Variants in YEATS2 observed in about 807,000 individuals in gnomAD.
YEATS2 encodes the protein YEATS domain-containing protein 2.
Under a neutral mutation model 163.2 loss-of-function variants are expected in YEATS2, and 77 were observed. The ratio of observed to expected loss-of-function variants is 0.47; its 90% CI spans 0.39 to 0.57. The LOEUF (loss-of-function observed/expected upper bound fraction) is 0.57, where lower values mean the gene tolerates loss of function less well. Ranked by LOEUF, YEATS2 falls within the 20% of genes least tolerant of loss-of-function variation. The pLI is 0.00. For synonymous variants in YEATS2, 631 were observed against 645.1 expected, an observed-to-expected ratio of 0.98 and a Z score of 0.33; for missense variants, 1,549 against 1,729.8, an observed-to-expected ratio of 0.90 and a Z score of 1.85.
In YEATS2 at chr3:183,754,272, A is replaced by G; in HGVS notation, c.1297A>G (p.Ser433Gly). ...GNSAFQPIAS[S>G]CKIVPQSQVP... ...TTCAGCTTTCCAGCCAATAGCATCA[A>G]GCTGCAAAATTGTTCCACAAAGTCA... Residue 433 changes from serine to glycine, a missense_variant, in exon 11 of 31, where the codon AGC (serine) becomes GGC (glycine). Coordinates refer to ENST00000305135, the MANE Select transcript of YEATS2 (RefSeq NM_018023.5). The G allele has an allele frequency of 1.9e-6, 3 of 1,614,206 alleles. No individual in the cohort carries two copies. Among genetic ancestry groups the G allele is most frequent in the Non-Finnish European group, 2.5e-6 (3 of 1,180,024 alleles).
intron 1 of YEATS2, among the ~76,000 whole-genome samples, chr3:183,708,608 C>T (rs934226962): frequency 1.8e-4 from 28 of 152,028 alleles, no homozygotes; most frequent in African/African-American, 6.5e-4. Context: ...TGGTGGCTTA[C>T]AAATCTCAGC....
intron 17 of YEATS2, among the ~76,000 whole-genome samples, chr3:183,774,748 C>A (rs1029975048): frequency 1.6e-4 from 24 of 152,126 alleles, no homozygotes; most frequent in South Asian, 8.3e-4. Context: ...GGAAGTTAAC[C>A]GCCCTTGCCA....
chr3:183,807,159 C>T (rs1726299644), intron 28 of YEATS2, 67 bp downstream of exon 28: 1 of 1,431,748 alleles, frequency 7.0e-7, no homozygotes, highest in Admixed American at 2.0e-5. Context: ...AGACGTTCAG[C>T]TTCACAGACC....
At chr3:183,706,577 G>T (rs1714638727) in intron 1 of YEATS2, among the ~76,000 whole-genome samples, 1 of 152,194 alleles carries the variant, frequency 6.6e-6, no homozygotes, top group Non-Finnish European at 1.5e-5. Flanking sequence ...AGCACTGTGG[G>T]AGGCCAAGAC....
intron 20 of YEATS2, among the ~76,000 whole-genome samples, chr3:183,789,007 T>G (rs1168288557): frequency 6.6e-6 from 1 of 152,248 alleles, no homozygotes; most frequent in East Asian, 1.9e-4. Context: ...TGTTTGAGCT[T>G]CTATATTCTG....
chr3:183,753,017 C>T (rs987719595), intron 10 of YEATS2, among the ~76,000 whole-genome samples: 19 of 151,884 alleles, frequency 1.3e-4, no homozygotes, highest in African/African-American at 4.1e-4. Flanking sequence ...AGGCTGGTCT[C>T]GAACTCATGA....
intron 5 of YEATS2, 142 bp downstream of exon 5, chr3:183,722,278 C>CTTTTTTTTTTTTTTTTTTTTTTTTTTTT (rs200048624): frequency 3.5e-6 from 1 of 289,402 alleles, no homozygotes; most frequent in Admixed American, 6.9e-5. Context: ...GAAACCAAAT[C>CTTTTTTTTTTTTTTTTTTTTTTTTTTTT]TTTTTTTTTT....
In YEATS2 at chr3:183,756,678, C is replaced by T. The variant is rs201827904; in HGVS notation, c.1541C>T (p.Thr514Ile). ...CCGGGGCAGGTGATTGGAGCCACCA[C>T]TCCCAGTACAGGTGTGTATTAGATC... ...KQPGQVIGAT[T>I]PSTGSPTNKI... Residue 514 changes from threonine (T) to isoleucine (I), a missense_variant, in exon 12 of 31, where the codon ACT becomes ATT. By Grantham distance (89) the Thr-to-Ile change is moderately conservative. Transcript: ENST00000305135. 392 of 1,582,842 alleles carry T rather than the reference C, an allele frequency of 2.5e-4. No individual in the cohort carries two copies. The highest frequency in any genetic ancestry group is 3.3e-4 in the Non-Finnish European group (380 of 1,164,542).
rs776385995 is a variant in YEATS2, at chr3:183,721,972, C to T, written c.373C>T (p.Pro125Ser). The T allele has an allele frequency of 3.7e-6, 6 of 1,614,006 alleles. No individual in the cohort carries two copies. Among genetic ancestry groups the T allele is most frequent in the Admixed American group, 1.7e-5 (1 of 60,000 alleles). Reference protein sequence around the residue: ...FLESPSRSSSPANQRAETPSA... With the variant: ...FLESPSRSSSSANQRAETPSA... Reference sequence around the variant, plus strand: ...GGAATCACCATCTAGGTCATCATCTCCTGCCAATCAGAGAGCAGAAACACC... The same window carrying T: ...GGAATCACCATCTAGGTCATCATCTTCTGCCAATCAGAGAGCAGAAACACC... The change falls in exon 5 of 31, where the codon CCT becomes TCT. Residue 125 changes from proline (P) to serine (S), a missense_variant. Pro to Ser is a moderately conservative substitution (Grantham distance 74). Coordinates refer to ENST00000305135, the MANE Select transcript of YEATS2 (RefSeq NM_018023.5).
intron 1 of YEATS2, among the ~76,000 whole-genome samples, chr3:183,708,310 C>T (rs1298964993): frequency 6.6e-6 from 1 of 151,700 alleles, no homozygotes; most frequent in African/African-American, 2.4e-5. Flanking sequence ...TACAGGCACT[C>T]GCCACCACAT....
At chr3:183,750,335 G>A (rs1251110367) in intron 9 of YEATS2, among the ~76,000 whole-genome samples, 1 of 152,178 alleles carries the variant, frequency 6.6e-6, no homozygotes, top group Admixed American at 6.5e-5. Context: ...ACCTGCTGAT[G>A]GACACTTGCG....
At position 183,786,107 on chromosome 3, in the gene YEATS2, C is replaced by T. The variant is rs1724036537; in HGVS notation, c.2737-18C>T. 1.2e-6 allele frequency: 2 copies of T among 1,605,982 alleles called. No individual in the cohort carries two copies. Among genetic ancestry groups the T allele is most frequent in the Non-Finnish European group, 1.7e-6 (2 of 1,173,610 alleles). ...ATCCAAGGCAACATGATTATTTCTG[C>T]CCATCTTGTTTCTGCAGGCAGCCCA... On this transcript the variant is annotated intron_variant, in intron 19 of 30. Transcript: ENST00000305135.
chr3:183,784,128 G>A (rs1030173177), intron 19 of YEATS2, among the ~76,000 whole-genome samples: 1 of 152,114 alleles, frequency 6.6e-6, no homozygotes, highest in African/African-American at 2.4e-5. Flanking sequence ...TTGAACTCCT[G>A]GGCTGAAGTG....
intron 2 of YEATS2, among the ~76,000 whole-genome samples, chr3:183,716,788 ATTC>A (rs1166277279): frequency 6.6e-6 from 1 of 152,032 alleles, no homozygotes; most frequent in African/African-American, 2.4e-5. Context: ...ACAATCTGCT[ATTC>A]TTTTTCTTGG....
intron 1 of YEATS2, among the ~76,000 whole-genome samples, chr3:183,708,225 G>A (rs1478780240): frequency 7.2e-6 from 1 of 139,296 alleles, no homozygotes; most frequent in African/African-American, 2.7e-5. Flanking sequence ...GCAGTGGCAC[G>A]ATCTCGGCTC....
intron 19 of YEATS2, among the ~76,000 whole-genome samples, chr3:183,783,354 A>G (rs986837158): frequency 6.6e-6 from 1 of 152,238 alleles, no homozygotes; most frequent in African/African-American, 2.4e-5. Context: ...AGCAGATTTC[A>G]GCAAACTACA....
chr3:183,714,387 G>T (rs1230422122), intron 1 of YEATS2, among the ~76,000 whole-genome samples: 2 of 150,518 alleles, frequency 1.3e-5, no homozygotes, highest in Non-Finnish European at 3.0e-5. Flanking sequence ...TAGTAGAGAC[G>T]GGTTTTCACC....
At chr3:183,717,113 A>G (rs1055616802) in intron 2 of YEATS2, among the ~76,000 whole-genome samples, 2 of 151,900 alleles carry the variant, frequency 1.3e-5, no homozygotes, top group African/African-American at 4.8e-5. Context: ...GGCTGGTCTC[A>G]AACTCCTGAC....
chr3:183,765,745 G>T (rs552923876), intron 15 of YEATS2, among the ~76,000 whole-genome samples: 1 of 152,140 alleles, frequency 6.6e-6, no homozygotes, highest in African/African-American at 2.4e-5. Flanking sequence ...TCAGGAGTTC[G>T]AGACCAGCCT....
Sources: gnomAD v4.1 joint callset for allele counts (sites outside exome capture counted in the v4.1 genomes callset) on GRCh38, gnomAD v4.1.1 for gene constraint, MANE v1.5 for transcripts, NCBI Gene and HGNC (gene_info 2026-07-23, HGNC 2026-07-21) for gene names.